The following FHOD3 variants were observed in gnomAD, a reference collection of about 807,000 sequenced individuals.
FHOD3 encodes formin homology 2 domain containing 3.
A neutral mutation model predicts 173.0 loss-of-function variants in FHOD3; 90 were observed. The ratio of observed to expected loss-of-function variants is 0.52; its 90% CI spans 0.44 to 0.62. The LOEUF is 0.62. FHOD3 is among the 20% of genes least tolerant of loss of function. The probability of loss-of-function intolerance (pLI) is 0.00; values close to 1 mark genes in which losing one functional copy is unlikely to be tolerated. For synonymous variants in FHOD3, 828 were observed against 823.0 expected (o/e 1.01, Z -0.10); for missense variants, 1,945 against 2,034.7 (o/e 0.96, Z 0.85).
chr18:36,454,625 A>T (rs975217991), intron 3 of FHOD3, among the ~76,000 whole-genome samples: 3 of 150,882 alleles, frequency 2.0e-5, no homozygotes, highest in African/African-American at 7.3e-5. Context: ...TTTTTTTCTC[A>T]GTTTGTTTGG....
intron 10 of FHOD3, among the ~76,000 whole-genome samples, chr18:36,642,476 G>A (rs767101348): frequency 6.6e-6 from 1 of 151,256 alleles, no homozygotes. Context: ...AAAATTAGCC[G>A]GGCGTGGTGG....
At chr18:36,378,325 CT>C (rs1006448124) in intron 3 of FHOD3, among the ~76,000 whole-genome samples, 1 of 152,114 alleles carries the variant, frequency 6.6e-6, no homozygotes, top group Admixed American at 6.5e-5. Flanking sequence ...GCCTGTGGTT[CT>C]GTTTTCTAGG....
In FHOD3 at chr18:36,652,613, G is replaced by A; in HGVS notation, c.1330G>A (p.Ala444Thr). The A allele has an allele frequency of 6.5e-7, 1 of 1,534,960 alleles. No individual in the cohort carries two copies. The highest frequency in any genetic ancestry group is 8.7e-7 in the Non-Finnish European group (1 of 1,146,646). The change falls in exon 12 of 29, where the codon GCT (alanine) becomes ACT (threonine). Residue 444 changes from alanine to threonine, a missense_variant. This residue lies in a region of FHOD3 where 1,099 missense variants were observed against 1,051.2 expected (regional missense o/e 1.05). Transcript: ENST00000590592. Reference sequence around the variant, plus strand: ...AGGGCAGAGCCCCACTGGAAGGGATGCTGCTCCCAAGAGCTCTGCCCTCCC... The same window carrying A: ...AGGGCAGAGCCCCACTGGAAGGGATACTGCTCCCAAGAGCTCTGCCCTCCC... ...ASGQSPTGRDAAPKSSALPAV... is the reference protein window; with the variant it reads ...ASGQSPTGRDTAPKSSALPAV...
chr18:36,535,968 A>G (rs2056976405), intron 5 of FHOD3, among the ~76,000 whole-genome samples: 1 of 152,232 alleles, frequency 6.6e-6, no homozygotes, highest in Non-Finnish European at 1.5e-5. Context: ...TCAAACTACA[A>G]TAGTAATAAT....
intron 8 of FHOD3, among the ~76,000 whole-genome samples, chr18:36,610,319 A>G (rs1369902383): frequency 3.9e-5 from 6 of 152,340 alleles, no homozygotes; most frequent in Middle Eastern, 3.4e-3. Flanking sequence ...AGTTTTCACT[A>G]AAAGCAAAGG....
chr18:36,353,416 A>G (rs918349318), intron 1 of FHOD3, among the ~76,000 whole-genome samples: 9 of 152,242 alleles, frequency 5.9e-5, no homozygotes, highest in Non-Finnish European at 1.2e-4. Context: ...AAACAAGATG[A>G]CAGTTTGCAT....
chr18:36,496,491 A>G (rs1423273297), intron 3 of FHOD3, among the ~76,000 whole-genome samples: 1 of 152,226 alleles, frequency 6.6e-6, no homozygotes, highest in Non-Finnish European at 1.5e-5. Flanking sequence ...AGAATAAGAT[A>G]GGTTTAGGCA....
intron 3 of FHOD3, 31 bp from the exon 4 acceptor site, chr18:36,501,901 A>G (rs148948969): frequency 6.1e-6 from 9 of 1,468,774 alleles, no homozygotes; most frequent in African/African-American, 4.3e-5. Flanking sequence ...AGTCAGTTTA[A>G]TTAATTTATA....
intron 1 of FHOD3, among the ~76,000 whole-genome samples, chr18:36,314,253 C>G (rs954819218): frequency 6.6e-6 from 1 of 152,240 alleles, no homozygotes; most frequent in Non-Finnish European, 1.5e-5. Context: ...TGACGTCACC[C>G]TGGCTCAAAA....
chr18:36,351,307 G>T (rs1015013843), intron 1 of FHOD3, among the ~76,000 whole-genome samples: 3 of 152,182 alleles, frequency 2.0e-5, no homozygotes, highest in African/African-American at 4.8e-5. Context: ...ATTTATTAGG[G>T]ATCCGGGTTG....
At chr18:36,646,952 T>C (rs78751149) in intron 10 of FHOD3, among the ~76,000 whole-genome samples, 4,164 of 152,308 alleles carry the variant, frequency 0.027, 172 homozygotes, top group African/African-American at 0.096. Context: ...AAAACACTTC[T>C]TCGGCCGGGT....
intron 19 of FHOD3, 33 bp from the exon 20 acceptor site, chr18:36,730,613 A>G: frequency 6.2e-7 from 1 of 1,600,196 alleles, no homozygotes; most frequent in Non-Finnish European, 8.5e-7. Flanking sequence ...AAGATGATGC[A>G]TTAATCTTGG....
At position 36,580,652 on chromosome 18, in the gene FHOD3, T is replaced by A. The variant is rs75486115; in HGVS notation, c.606+4107T>A. Among the ~76,000 whole-genome samples the A allele has an allele frequency of 2.8e-4, 43 of 152,182 alleles. 1 individual carries two copies. In the East Asian group the frequency reaches 7.1e-3, roughly 25 times the overall value. On this transcript the variant is annotated intron_variant, in intron 6 of 28. Transcript: ENST00000590592. ...CCTCTTATTTACAAAACCAATAGAG[T>A]GTCTGCTGATACTCTTCCCTCACCC...
At chr18:36,309,098 G>A (rs1241941236) in intron 1 of FHOD3, among the ~76,000 whole-genome samples, 2 of 152,196 alleles carry the variant, frequency 1.3e-5, no homozygotes, top group African/African-American at 4.8e-5. Context: ...GCATGCCTGG[G>A]GGCTCTCGTG....
chr18:36,384,320 C>T (rs1160111861), intron 3 of FHOD3, among the ~76,000 whole-genome samples: 1 of 151,866 alleles, frequency 6.6e-6, no homozygotes, highest in African/African-American at 2.4e-5. Context: ...GCGGAGATTC[C>T]AGTGAGCTGA....
intron 5 of FHOD3, among the ~76,000 whole-genome samples, chr18:36,515,220 T>C (rs2055899789): frequency 6.6e-6 from 1 of 152,052 alleles, no homozygotes; most frequent in African/African-American, 2.4e-5. Context: ...GTTTATTTTA[T>C]TTATTTATTT....
intron 20 of FHOD3, 53 bp downstream of exon 20, chr18:36,730,857 T>C (rs775373852): frequency 6.5e-7 from 1 of 1,544,982 alleles, no homozygotes; most frequent in East Asian, 2.3e-5. Context: ...ACTGCATGTA[T>C]AATATGCTGC....
At chr18:36,393,697 A>C (rs1339023520) in intron 3 of FHOD3, among the ~76,000 whole-genome samples, 2 of 152,182 alleles carry the variant, frequency 1.3e-5, no homozygotes, top group African/African-American at 2.4e-5. Flanking sequence ...CTAGACCTGG[A>C]GAATACAAAG....
At chr18:36,572,154 T>C (rs9965338) in intron 5 of FHOD3, among the ~76,000 whole-genome samples, 2,107 of 152,310 alleles carry the variant, frequency 0.014, 50 homozygotes, top group African/African-American at 0.048. Context: ...TGAATAAATA[T>C]ACCTTGAGTG....
Sources: gnomAD v4.1 joint callset for allele counts (sites outside exome capture counted in the v4.1 genomes callset) on GRCh38, gnomAD v4.1.1 for gene constraint, gnomAD v4.1.1 regional missense constraint, MANE v1.5 for transcripts, NCBI Gene and HGNC (gene_info 2026-07-23, HGNC 2026-07-21) for gene names.